PHF24: variants seen among roughly 807,000 people sequenced by gnomAD.
PHF24 encodes Galpha inhibitory interacting protein.
PHF24 carries 25 observed loss-of-function variants against 42.6 expected under a neutral mutation model. That is an observed-to-expected ratio of 0.59 (90% confidence interval 0.43 to 0.82). PHF24 has a LOEUF of 0.82. Ranked by LOEUF, PHF24 falls within the 40% of genes least tolerant of loss-of-function variation. The pLI is 0.00. For missense variants in PHF24, 470 were observed against 538.1 expected (o/e 0.87, Z 1.25); for synonymous variants, 185 against 204.8 (o/e 0.90, Z 0.83).
the PHF24 span, among the ~76,000 whole-genome samples, chr9:34,927,903 G>T: frequency 6.6e-6 from 1 of 152,192 alleles, no homozygotes; most frequent in East Asian, 1.9e-4. Context: ...TTAAGCAGAG[G>T]TGTGACTTCA....
At position 34,976,452 on chromosome 9, in the gene PHF24, G is replaced by A; in HGVS notation, c.644-83G>A. ...CTTAGCAAGAGCTGTGGGTTTGGGGGCCCCGAGGGTGCCCTGGAGGTGATG... is the reference window on the plus strand; with the variant it reads ...CTTAGCAAGAGCTGTGGGTTTGGGGACCCCGAGGGTGCCCTGGAGGTGATG... On this transcript the variant is annotated intron_variant, in intron 4 of 7. Coordinates refer to ENST00000242315, the Ensembl canonical transcript of PHF24. 4.2e-6 allele frequency: 6 copies of A among 1,445,410 alleles called. No homozygotes were observed. In the Admixed American group the frequency reaches 5.7e-5, roughly 14 times the overall value. The allele number at this position is 1,445,410 out of a possible 1,614,324, so 89.5% of individuals were successfully genotyped here. A position where few individuals can be genotyped will look rare whatever the true frequency, so the allele number is the denominator to read the frequency against.
chr9:34,779,374 T>C, the PHF24 span, among the ~76,000 whole-genome samples: 1 of 152,228 alleles, frequency 6.6e-6, no homozygotes, highest in African/African-American at 2.4e-5. Flanking sequence ...TTTCTTTAAC[T>C]TTCCTATGTG....
the PHF24 span, among the ~76,000 whole-genome samples, chr9:34,879,850 C>T: frequency 3.3e-5 from 5 of 151,992 alleles, no homozygotes; most frequent in South Asian, 4.1e-4. Context: ...ATACAGAGAA[C>T]GCCACAAAGA....
the PHF24 span, among the ~76,000 whole-genome samples, chr9:34,888,788 G>A: frequency 1.3e-5 from 2 of 152,190 alleles, no homozygotes; most frequent in Non-Finnish European, 2.9e-5. Context: ...CTGTCGCCAT[G>A]TCCACATTCC....
chr9:34,733,551 A>C, the PHF24 span, among the ~76,000 whole-genome samples: 3 of 147,288 alleles, frequency 2.0e-5, no homozygotes, highest in Non-Finnish European at 4.5e-5. Context: ...ATGATGCTGG[A>C]TTTCAGTGGT....
the PHF24 span, among the ~76,000 whole-genome samples, chr9:34,925,190 C>T: frequency 6.6e-6 from 1 of 152,206 alleles, no homozygotes; most frequent in Non-Finnish European, 1.5e-5. Context: ...ATTCACTCCT[C>T]ACTCACCTGG....
the PHF24 span, among the ~76,000 whole-genome samples, chr9:34,674,297 T>C: frequency 6.6e-6 from 1 of 152,242 alleles, no homozygotes; most frequent in African/African-American, 2.4e-5. Context: ...TCTGCCCATC[T>C]ATCCATCCGT....
At chr9:34,890,556 G>A in the PHF24 span, among the ~76,000 whole-genome samples, 1 of 152,164 alleles carries the variant, frequency 6.6e-6, no homozygotes, top group African/African-American at 2.4e-5. Context: ...TTAGTTCAAC[G>A]GCAAGCTGTT....
chr9:34,847,002 G>T, the PHF24 span, among the ~76,000 whole-genome samples: 3 of 152,204 alleles, frequency 2.0e-5, no homozygotes, highest in Admixed American at 1.3e-4. Flanking sequence ...GCCTACTGTA[G>T]CCTTGTAGTA....
At chr9:34,934,848 C>A in the PHF24 span, among the ~76,000 whole-genome samples, 26 of 152,154 alleles carry the variant, frequency 1.7e-4, no homozygotes, top group African/African-American at 6.3e-4. Context: ...ATCAATTCAA[C>A]ATGTATATAC....
intron 2 of PHF24, 35 bp from the exon 3 acceptor site, chr9:34,972,311 A>T (rs754118065): frequency 7.7e-6 from 12 of 1,561,624 alleles, no homozygotes; most frequent in Non-Finnish European, 1.0e-5. Flanking sequence ...GCCTACATTT[A>T]CACATCCCTG....
chr9:34,748,745 C>T, the PHF24 span, among the ~76,000 whole-genome samples: 1 of 152,038 alleles, frequency 6.6e-6, no homozygotes, highest in Admixed American at 6.6e-5. Context: ...TATGAACAAG[C>T]CCAAACTGAG....
the PHF24 span, among the ~76,000 whole-genome samples, chr9:34,786,579 T>G: frequency 1.6e-3 from 250 of 152,332 alleles, no homozygotes; most frequent in African/African-American, 5.1e-3. Flanking sequence ...ACTCCTACAT[T>G]TCTGTTATAA....
the PHF24 span, among the ~76,000 whole-genome samples, chr9:34,847,879 T>C: frequency 6.6e-6 from 1 of 152,228 alleles, no homozygotes; most frequent in Non-Finnish European, 1.5e-5. Flanking sequence ...TGTCTTTGGT[T>C]CTGTTTATAT....
the PHF24 span, among the ~76,000 whole-genome samples, chr9:34,939,407 A>G: frequency 6.6e-6 from 1 of 152,188 alleles, no homozygotes; most frequent in African/African-American, 2.4e-5. Context: ...TGCAAAAGGT[A>G]ATTGGGAGGA....
At chr9:34,726,890 A>G in the PHF24 span, 1 of 1,551,770 alleles carries the variant, frequency 6.4e-7, no homozygotes, top group Non-Finnish European at 8.7e-7. Context: ...ACCCACCAGC[A>G]ATTGCTGAAT....
the PHF24 span, chr9:34,709,239 TG>T: frequency 1.1e-6 from 1 of 904,068 alleles, no homozygotes; most frequent in Non-Finnish European, 1.8e-6. Flanking sequence ...GGAATGCAGA[TG>T]GGGTGGTTAA....
the PHF24 span, chr9:34,709,962 C>T: frequency 1.2e-6 from 2 of 1,613,978 alleles, no homozygotes; most frequent in Non-Finnish European, 1.7e-6. Context: ...CCTCTTGATC[C>T]CCTTAGCCCC....
the PHF24 span, chr9:34,922,115 G>T: frequency 7.8e-7 from 1 of 1,289,514 alleles, no homozygotes; most frequent in Non-Finnish European, 1.1e-6. Context: ...CTATTTGTGG[G>T]ACAGCATGGA....
Sources: allele counts gnomAD v4.1 joint callset (sites outside exome capture counted in the v4.1 genomes callset), GRCh38; gene constraint gnomAD v4.1.1; transcripts MANE v1.5; gene names NCBI Gene and HGNC (gene_info 2026-07-23, HGNC 2026-07-21).